RFX7: variants seen among roughly 807,000 people sequenced by gnomAD.
RFX7 encodes the protein regulatory factor X7.
A neutral mutation model predicts 111.8 loss-of-function variants in RFX7; 26 were observed. The observed-to-expected ratio is 0.23, with a 90% confidence interval of 0.17 to 0.32. The LOEUF is 0.32. Ranked by LOEUF, RFX7 falls within the 10% of genes least tolerant of loss-of-function variation. The pLI is 1.00. For synonymous variants in RFX7, 624 were observed against 624.4 expected, an observed-to-expected ratio of 1.00 and a Z score of 0.01; for missense variants, 1,573 against 1,772.9, an observed-to-expected ratio of 0.89 and a Z score of 2.02.
chr15:56,099,632 TA>T (rs1266403586), intron 8 of RFX7, among the ~76,000 whole-genome samples: 96 of 147,564 alleles, frequency 6.5e-4, no homozygotes, highest in African/African-American at 1.8e-3. Flanking sequence ...ACTATATTTA[TA>T]AAAAAAAAAA....
chr15:56,141,277 G>A (rs973187179), intron 5 of RFX7, among the ~76,000 whole-genome samples: 1 of 151,826 alleles, frequency 6.6e-6, no homozygotes, highest in Admixed American at 6.6e-5. Context: ...GAGCCCTGGG[G>A]GTGGGGGTGG....
chr15:56,168,434 T>C (rs1446777433), intron 3 of RFX7, among the ~76,000 whole-genome samples: 1 of 152,188 alleles, frequency 6.6e-6, no homozygotes, highest in Non-Finnish European at 1.5e-5. Context: ...TATAGAGACA[T>C]AAGTCCCAGC....
intron 2 of RFX7, among the ~76,000 whole-genome samples, chr15:56,184,282 A>C (rs2043012776): frequency 1.4e-5 from 2 of 140,620 alleles, no homozygotes; most frequent in South Asian, 4.4e-4. Context: ...CACATGATCC[A>C]CCTGCCTTGG....
At chr15:56,180,738 T>A (rs1252439432) in intron 2 of RFX7, among the ~76,000 whole-genome samples, 2 of 130,454 alleles carry the variant, frequency 1.5e-5, no homozygotes, top group African/African-American at 3.0e-5. Flanking sequence ...AAACCCCATA[T>A]CTACTAAAAT....
intron 2 of RFX7, among the ~76,000 whole-genome samples, chr15:56,199,511 G>A (rs888629922): frequency 6.6e-6 from 1 of 152,052 alleles, no homozygotes; most frequent in African/African-American, 2.4e-5. Flanking sequence ...TGCCTTCCCT[G>A]TTTTCTTTAA....
intron 4 of RFX7, among the ~76,000 whole-genome samples, chr15:56,143,496 G>A (rs765430062): frequency 6.6e-6 from 1 of 151,802 alleles, no homozygotes; most frequent in African/African-American, 2.4e-5. Context: ...CTAAAGCCAG[G>A]CCCCCTGCCT....
intron 2 of RFX7, among the ~76,000 whole-genome samples, chr15:56,238,379 G>T (rs1343803027): frequency 3.3e-5 from 5 of 152,098 alleles, no homozygotes; most frequent in African/African-American, 7.2e-5. Context: ...ATCCAAAATA[G>T]ATCATATATA....
Position 56,122,233 on chromosome 15 carries a change from C to A in RFX7, c.402-18563G>T, listed in dbSNP as rs2042088220. On this transcript the variant is annotated intron_variant, in intron 5 of 9. Transcript: ENST00000559447. Reference sequence around the variant, plus strand: ...TTTTTGGCCACCACAGAGATAACTGCATTTGGGGGCATTACAAGTCCAGTA... The same window carrying A: ...TTTTTGGCCACCACAGAGATAACTGAATTTGGGGGCATTACAAGTCCAGTA... 2.0e-5 allele frequency among the ~76,000 whole-genome samples: 3 copies of A among 152,140 alleles called. No individual in the cohort carries two copies. In the South Asian group the frequency reaches 6.2e-4, roughly 32 times the overall value.
intron 9 of RFX7, among the ~76,000 whole-genome samples, chr15:56,097,746 CAAAAAA>C (rs67718449): frequency 1.7e-3 from 82 of 47,328 alleles, no homozygotes; most frequent in Admixed American, 6.3e-3. Context: ...GACTCTGTCT[CAAAAAA>C]AAAAAAAAAA....
chr15:56,201,424 C>T (rs1358227800), intron 2 of RFX7, among the ~76,000 whole-genome samples: 2 of 152,094 alleles, frequency 1.3e-5, no homozygotes, highest in East Asian at 1.9e-4. Flanking sequence ...AAAATCCAGC[C>T]TAAAAGCATT....
intron 5 of RFX7, among the ~76,000 whole-genome samples, chr15:56,129,584 T>G (rs957200580): frequency 1.3e-5 from 2 of 152,194 alleles, no homozygotes; most frequent in Non-Finnish European, 2.9e-5. Context: ...CAGTATACTT[T>G]CAACATTTCT....
intron 2 of RFX7, among the ~76,000 whole-genome samples, chr15:56,218,327 A>T (rs79793777): frequency 0.13 from 19,749 of 151,400 alleles, 1,691 homozygotes; most frequent in East Asian, 0.45. Flanking sequence ...AGATGGGGTT[A>T]CACCACGTTG....
chr15:56,100,523 A>G (rs115104840), intron 8 of RFX7, among the ~76,000 whole-genome samples: 245 of 152,354 alleles, frequency 1.6e-3, no homozygotes, highest in African/African-American at 5.7e-3. Flanking sequence ...TTAAGAGACT[A>G]TAATTCTGGC....
rs547205397 is a variant in RFX7, at chr15:56,142,820, G to A, written c.359C>T (p.Pro120Leu). 1.6e-4 allele frequency: 259 copies of A among 1,613,318 alleles called. No homozygotes were observed. In the Admixed American group the frequency reaches 3.7e-3, roughly 23 times the overall value. ...SWIRNTLEEH[P>L]ETSLPKQEVY... ...TTCCTGTTTGGGCAGTGAAGTCTCC[G>A]GATGTTCCTCTAGGGTATTCCGAAT... is the stretch of plus-strand genomic sequence containing the variant. The change falls in exon 5 of 10, where the codon CCG becomes CTG. Residue 120 changes from proline (P) to leucine (L), a missense_variant. Transcript: ENST00000559447.
At chr15:56,194,848 ACTTG>A (rs2043132645) in intron 2 of RFX7, among the ~76,000 whole-genome samples, 1 of 152,090 alleles carries the variant, frequency 6.6e-6, no homozygotes, top group Non-Finnish European at 1.5e-5. Flanking sequence ...CTCTTGAAAA[ACTTG>A]ACATATCTTC....
At chr15:56,118,029 A>G (rs2042031428) in intron 5 of RFX7, among the ~76,000 whole-genome samples, 1 of 151,940 alleles carries the variant, frequency 6.6e-6, no homozygotes, top group Non-Finnish European at 1.5e-5. Context: ...CTATCTATCT[A>G]TCTATCTACA....
chr15:56,203,961 A>G (rs2043222912), intron 2 of RFX7, among the ~76,000 whole-genome samples: 1 of 150,054 alleles, frequency 6.7e-6, no homozygotes, highest in Non-Finnish European at 1.5e-5. Flanking sequence ...TATTTCTTGC[A>G]TTTAATCCAA....
At chr15:56,172,912 A>T (rs1272428714) in intron 3 of RFX7, among the ~76,000 whole-genome samples, 1 of 152,196 alleles carries the variant, frequency 6.6e-6, no homozygotes, top group Admixed American at 6.6e-5. Context: ...CTCTCCCAGC[A>T]CCACCATCTC....
intron 5 of RFX7, among the ~76,000 whole-genome samples, chr15:56,111,976 G>T (rs373561796): frequency 3.3e-5 from 5 of 152,002 alleles, no homozygotes; most frequent in African/African-American, 4.8e-5. Flanking sequence ...CTAGCCGGGC[G>T]TGGTGGTGTG....
Sources: gnomAD v4.1 joint callset for allele counts (sites outside exome capture counted in the v4.1 genomes callset) on GRCh38, gnomAD v4.1.1 for gene constraint, MANE v1.5 for transcripts, NCBI Gene and HGNC (gene_info 2026-07-23, HGNC 2026-07-21) for gene names.